The following CACNA1H variants were observed in gnomAD, a reference collection of about 807,000 sequenced individuals.
The protein encoded by CACNA1H is voltage-dependent T-type calcium channel subunit alpha-1H.
In CACNA1H, 149 loss-of-function variants were observed where a neutral mutation model predicts 192.5. That is an observed-to-expected ratio of 0.77 (90% CI 0.68 to 0.89). The LOEUF (loss-of-function observed/expected upper bound fraction) is 0.89. Ranked by LOEUF, CACNA1H falls within the 40% of genes least tolerant of loss-of-function variation. The probability of loss-of-function intolerance (pLI) is 0.00; values close to 1 mark genes in which losing one functional copy is unlikely to be tolerated. For missense variants in CACNA1H, 4,257 were observed against 3,423.5 expected, an observed-to-expected ratio of 1.24 and a Z score of -6.08; for synonymous variants, 2,202 against 1,475.2, an observed-to-expected ratio of 1.49 and a Z score of -11.29.
chr16:1,200,416 T>C lies in CACNA1H; in HGVS notation c.964T>C (p.Tyr322His), dbSNP rs1260600136. The C allele has an allele frequency of 1.2e-6, 2 of 1,609,118 alleles. No homozygotes were observed. Among genetic ancestry groups the C allele is most frequent in the African/African-American group, 1.3e-5 (1 of 74,788 alleles). Residue 322 changes from tyrosine to histidine, a missense_variant, in exon 7 of 35, where the codon TAC becomes CAC. Tyr to His is a moderately conservative substitution (Grantham distance 83). Coordinates refer to ENST00000348261, the MANE Select transcript of CACNA1H (RefSeq NM_021098.3). ...GCCCTGCACCCTGGGCTGGGAGGCC[T>C]ACACGCAGCCGCAGGCCGAGGGGGT... ...RMPCTLGWEA[Y>H]TQPQAEGVGA...
chr16:1,158,741 C>G (rs1369164013), intron 2 of CACNA1H, among the ~76,000 whole-genome samples: 2 of 152,158 alleles, frequency 1.3e-5, no homozygotes, highest in East Asian at 1.9e-4. Context: ...CCTTGGTGCT[C>G]TTGGGAACGA....
intron 2 of CACNA1H, among the ~76,000 whole-genome samples, chr16:1,190,005 G>C (rs1490828250): frequency 1.3e-5 from 2 of 152,264 alleles, no homozygotes; most frequent in Non-Finnish European, 2.9e-5. Context: ...GAATCACTGA[G>C]GTCCTGGGGC....
rs1196615608 is a variant in CACNA1H, at chr16:1,153,200, C to A, written c.-289C>A. On this transcript the variant is annotated 5_prime_UTR_variant, in exon 1 of 35. Coordinates refer to ENST00000348261, the MANE Select transcript of CACNA1H (RefSeq NM_021098.3). ...CGCGCCCCGCGCCCCGCGCCCCGCG[C>A]CCCGGCCTCACCCGTCCGCTCAGCG... The A allele has an allele frequency of 6.9e-6, 1 of 145,698 alleles. No individual in the cohort carries two copies. The highest frequency in any genetic ancestry group is 6.8e-5 in the Admixed American group (1 of 14,676). 9.0% of individuals were successfully genotyped at this position (145,698 alleles called of 1,614,324 possible). A position where few individuals can be genotyped will look rare whatever the true frequency, so the allele number is the denominator to read the frequency against.
In CACNA1H at chr16:1,211,657, C is replaced by G. The variant is rs374276035; in HGVS notation, c.4476+51C>G. On this transcript the variant is annotated intron_variant, in intron 23 of 34. Transcript: ENST00000348261. ...TGGGGGTCTCCAGGACACCCTGGAG[C>G]GAGAGGGCCGGCGACCCCAGCTCTA... 105 of 1,609,460 alleles carry G rather than the reference C, an allele frequency of 6.5e-5. No individual in the cohort carries two copies. In the African/African-American group the frequency reaches 1.2e-3, roughly 18 times the overall value.
At chr16:1,153,567 G>T (rs1398515959) in intron 1 of CACNA1H, 97 bp downstream of exon 1, 4 of 368,466 alleles carry the variant, frequency 1.1e-5, no homozygotes, top group Non-Finnish European at 1.8e-5. Flanking sequence ...GCTGGAGGGA[G>T]GGAGGGGGCG....
chr16:1,216,499 C>G (rs1375412984), intron 30 of CACNA1H, among the ~76,000 whole-genome samples: 2 of 152,204 alleles, frequency 1.3e-5, no homozygotes, highest in African/African-American at 4.8e-5. Flanking sequence ...TGCCGGGACC[C>G]CTCAGTCAGC....
intron 2 of CACNA1H, among the ~76,000 whole-genome samples, chr16:1,177,895 G>A (rs986766573): frequency 2.0e-5 from 3 of 151,922 alleles, no homozygotes; most frequent in African/African-American, 7.3e-5. Context: ...GGGTCTCAGC[G>A]TCTGAACTCC....
chr16:1,205,920 A>C (rs1371984026), intron 11 of CACNA1H, among the ~76,000 whole-genome samples, 184 bp from the exon 12 acceptor site: 1 of 152,210 alleles, frequency 6.6e-6, no homozygotes, highest in Admixed American at 6.5e-5. Flanking sequence ...CCATCAGCGG[A>C]TAAGCGGCTT....
intron 5 of CACNA1H, among the ~76,000 whole-genome samples, chr16:1,197,045 C>T (rs1967066946): frequency 6.6e-6 from 1 of 152,182 alleles, no homozygotes; most frequent in African/African-American, 2.4e-5. Context: ...AAGTCACAGA[C>T]CCCCAAGGCT....
chr16:1,167,838 C>T lies in CACNA1H; in HGVS notation c.299+13802C>T, dbSNP rs531447805. Among the ~76,000 whole-genome samples, 1 of 152,282 alleles carries T rather than the reference C, an allele frequency of 6.6e-6. No individual in the cohort carries two copies. Among genetic ancestry groups the T allele is most frequent in the African/African-American group, 2.4e-5 (1 of 41,560 alleles). On this transcript the variant is annotated intron_variant, in intron 2 of 34. Transcript: ENST00000348261. The surrounding 1 kb of genome is among the most constrained non-coding windows in gnomAD (Gnocchi z 4.2). ...AGAAAGTGCACCTGCGAGGTTGGGG[C>T]GTGGCCTGGCCGTCCGTCCGCGGGG... is the stretch of plus-strand genomic sequence containing the variant.
At chr16:1,201,638 A>C (rs368212703) in intron 8 of CACNA1H, 25 bp from the exon 9 acceptor site, 3 of 1,543,124 alleles carry the variant, frequency 1.9e-6, no homozygotes, top group East Asian at 4.7e-5. Context: ...ACTCACTGCC[A>C]CTTACCCGCC....
At chr16:1,166,906 AC>A (rs370910719) in intron 2 of CACNA1H, among the ~76,000 whole-genome samples, 240 of 152,130 alleles carry the variant, frequency 1.6e-3, no homozygotes, top group African/African-American at 5.4e-3. Context: ...TTCGGGGGAA[AC>A]CCTGGCTTCG....
At chr16:1,158,976 T>G (rs1307456549) in intron 2 of CACNA1H, among the ~76,000 whole-genome samples, 2 of 152,208 alleles carry the variant, frequency 1.3e-5, no homozygotes, top group Non-Finnish European at 2.9e-5. Flanking sequence ...ACCGTCCGTC[T>G]GTCGCCCGGA....
At chr16:1,159,918 A>G (rs945321264) in intron 2 of CACNA1H, 1 of 151,740 alleles carries the variant, frequency 6.6e-6, no homozygotes, top group African/African-American at 2.4e-5. Flanking sequence ...TACTCCCCTC[A>G]CCTCCCCCAA....
chr16:1,214,015 G>C, intron 27 of CACNA1H, 84 bp downstream of exon 27: 1 of 1,207,886 alleles, frequency 8.3e-7, no homozygotes, highest in Non-Finnish European at 1.2e-6. Context: ...ACCCTGGACC[G>C]GCGCTCCGCT....
intron 12 of CACNA1H, 183 bp from the exon 13 acceptor site, chr16:1,206,818 G>A (rs1363971988): frequency 1.0e-5 from 6 of 590,612 alleles, no homozygotes; most frequent in Admixed American, 2.9e-5. Flanking sequence ...TGAGTTGTAG[G>A]GCAGGAAGTC....
At chr16:1,194,379 T>C (rs2141187473) in intron 2 of CACNA1H, among the ~76,000 whole-genome samples, 1 of 152,256 alleles carries the variant, frequency 6.6e-6, no homozygotes, top group Non-Finnish European at 1.5e-5. Context: ...GGATTGCCTC[T>C]CCCTCCTTCC....
At position 1,200,781 on chromosome 16, in the gene CACNA1H, C is replaced by A; in HGVS notation, c.1185C>A (p.Asn395Lys). Residue 395 changes from asparagine (N) to lysine (K), a missense_variant, in exon 8 of 35, where the codon AAC (asparagine) becomes AAA (lysine). Asn to Lys is a moderately conservative substitution (Grantham distance 94). Transcript: ENST00000348261. The stretch of plus-strand genomic sequence containing the variant: ...TCATGGACGCCCACTCATTCTACAA[C>A]TTCATCTATTTCATCCTGCTCATCA... ...YYVMDAHSFY[N>K]FIYFILLIIV... is the part of the protein sequence containing the mutation. 6.4e-7 allele frequency: 1 copy of A among 1,553,506 alleles called. No individual in the cohort carries two copies. Among genetic ancestry groups the A allele is most frequent in the Non-Finnish European group, 8.7e-7 (1 of 1,148,234 alleles).
At chr16:1,160,390 G>C (rs902255264) in intron 2 of CACNA1H, among the ~76,000 whole-genome samples, 2 of 152,208 alleles carry the variant, frequency 1.3e-5, no homozygotes, top group Non-Finnish European at 2.9e-5. Flanking sequence ...GAAGTCAGCC[G>C]GTCGCGCCCT....
Sources: allele counts gnomAD v4.1 joint callset (sites outside exome capture counted in the v4.1 genomes callset), GRCh38; gene constraint gnomAD v4.1.1; non-coding constraint Gnocchi (gnomAD v3.1); transcripts MANE v1.5; gene names NCBI Gene and HGNC (gene_info 2026-07-23, HGNC 2026-07-21).